The following CENPE variants were observed in gnomAD, a reference collection of about 807,000 sequenced individuals.
CENPE encodes the protein centromere protein E.
In CENPE, 145 loss-of-function variants were observed where a neutral mutation model predicts 336.1. The observed-to-expected ratio is 0.43, with a 90% CI of 0.38 to 0.50. The LOEUF (loss-of-function observed/expected upper bound fraction) is 0.50, where lower values mean the gene tolerates loss of function less well. Among genes scored for constraint, CENPE ranks in the 20% least tolerant of loss-of-function variants. The probability of loss-of-function intolerance (pLI) is 0.00; values close to 1 mark genes in which losing one functional copy is unlikely to be tolerated. For synonymous variants in CENPE, 1,013 were observed against 984.8 expected (o/e 1.03, Z -0.54); for missense variants, 2,719 against 3,023.3 (o/e 0.90, Z 2.36).
chr4:103,153,057 T>A lies in CENPE; in HGVS notation c.3227A>T (p.Asn1076Ile), dbSNP rs770544669. The change falls in exon 25 of 49, where the codon AAT (asparagine) becomes ATT (isoleucine). Residue 1076 changes from asparagine to isoleucine, a missense_variant. Transcript: ENST00000265148. ...KEQLKTDLKENIEMTIENQEE... is the reference protein window; with the variant it reads ...KEQLKTDLKEIIEMTIENQEE... ...AGTGCTAAATCCTACCATTTCAATA[T>A]TTTCCTTTAGGTCAGTCTTCAATTG... The A allele has an allele frequency of 3.1e-6, 5 of 1,608,972 alleles. No individual in the cohort carries two copies. In the South Asian group the frequency reaches 3.3e-5, roughly 11 times the overall value.
Position 103,122,904 on chromosome 4 carries a change from A to G in CENPE, c.7110T>C (p.His2370=). 6.2e-7 allele frequency: 1 copy of G among 1,613,736 alleles called. No homozygotes were observed. Among genetic ancestry groups the G allele is most frequent in the Non-Finnish European group, 8.5e-7 (1 of 1,179,668 alleles). The change falls in exon 43 of 49, where the codon CAT becomes CAC. Residue 2370 remains histidine (H), a synonymous_variant. Transcript: ENST00000265148. The part of the protein sequence containing the change: ...NPTTQDNKNP[H]VTSRATQLTT... ...TTAACTGTGTAGCTCTTGATGTAAC[A>G]TGAGGATTCTTATTGTCTTGTGTGG...
intron 8 of CENPE, among the ~76,000 whole-genome samples, chr4:103,189,368 T>C (rs1757095904): frequency 6.6e-6 from 1 of 152,162 alleles, no homozygotes; most frequent in African/African-American, 2.4e-5. Flanking sequence ...ATACCCCTGA[T>C]GAACATCGAT....
chr4:103,135,124 A>C (rs1263140928), intron 40 of CENPE, among the ~76,000 whole-genome samples: 2 of 152,180 alleles, frequency 1.3e-5, no homozygotes, highest in Non-Finnish European at 2.9e-5. Context: ...ACTGCCTCTT[A>C]GACATTTATC....
Position 103,180,410 on chromosome 4 carries a change from T to C in CENPE, c.1143A>G (p.Glu381=). The C allele has an allele frequency of 6.2e-7, 1 of 1,613,148 alleles. No individual in the cohort carries two copies. The highest frequency in any genetic ancestry group is 8.5e-7 in the Non-Finnish European group (1 of 1,179,386). ...GTACTTTCTGAAGCAAATCTTTTTCTTCCAAAAGTTGGGCCAATTGGTCTT... is the reference window on the plus strand; with the variant it reads ...GTACTTTCTGAAGCAAATCTTTTTCCTCCAAAAGTTGGGCCAATTGGTCTT... The part of the protein sequence containing the change: ...MEKDQLAQLL[E]EKDLLQKVQN... Residue 381 remains glutamate (E), a synonymous_variant, in exon 13 of 49, where the codon GAA becomes GAG. Transcript: ENST00000265148.
chr4:103,196,214 A>G lies in CENPE; in HGVS notation c.187T>C (p.Tyr63His), dbSNP rs111853599. The change falls in exon 3 of 49, where the codon TAT becomes CAT. Residue 63 changes from tyrosine (Y) to histidine (H), a missense_variant. By Grantham distance (83) the Tyr-to-His change is moderately conservative (BLOSUM62 2). Around this residue, in one of 5 missense-constraint regions of CENPE, gnomAD observed 106 missense variants for 189.3 expected, o/e 0.56. Transcript: ENST00000265148. Reference protein sequence around the residue: ...FHGNETTKNVYEEIAAPIIDS... With the variant: ...FHGNETTKNVHEEIAAPIIDS... ...ATGATTGGTGCTGCTATTTCTTCATACACATTTTTGGTAGTTTCATTACCA... is the reference window on the plus strand; with the variant it reads ...ATGATTGGTGCTGCTATTTCTTCATGCACATTTTTGGTAGTTTCATTACCA... 6.2e-7 allele frequency: 1 copy of G among 1,613,770 alleles called. No homozygotes were observed. Among genetic ancestry groups the G allele is most frequent in the Admixed American group, 1.7e-5 (1 of 60,016 alleles).
chr4:103,108,243 ACTT>A (rs908036515), intron 48 of CENPE, among the ~76,000 whole-genome samples: 1 of 128,640 alleles, frequency 7.8e-6, no homozygotes, highest in African/African-American at 3.1e-5. Flanking sequence ...CTATAATTTC[ACTT>A]TTTTTTTTTT....
intron 38 of CENPE, among the ~76,000 whole-genome samples, chr4:103,139,004 C>CA (rs1173756065): frequency 6.6e-6 from 1 of 152,182 alleles, no homozygotes; most frequent in Admixed American, 6.5e-5. Flanking sequence ...AATATACTGG[C>CA]AAAACCACCT....
At chr4:103,113,553 ATAAT>A (rs1158844705) in intron 46 of CENPE, among the ~76,000 whole-genome samples, 1 of 141,658 alleles carries the variant, frequency 7.1e-6, no homozygotes, top group African/African-American at 2.6e-5. Context: ...TATATAATAT[ATAAT>A]ATATAAGTAA....
At chr4:103,129,725 AAAAAT>A (rs1209859145) in intron 42 of CENPE, among the ~76,000 whole-genome samples, 32 of 147,272 alleles carry the variant, frequency 2.2e-4, no homozygotes, top group African/African-American at 6.7e-4. Context: ...CTCCATCTCA[AAAAAT>A]AAAATAAAAT....
intron 14 of CENPE, among the ~76,000 whole-genome samples, chr4:103,176,346 C>G (rs191942163): frequency 1.3e-5 from 2 of 151,892 alleles, no homozygotes; most frequent in African/African-American, 4.8e-5. Flanking sequence ...ATTTAAAATT[C>G]CCCCCCAACA....
intron 15 of CENPE, among the ~76,000 whole-genome samples, chr4:103,175,528 A>G (rs182649435): frequency 3.9e-5 from 6 of 152,224 alleles, no homozygotes; most frequent in African/African-American, 1.4e-4. Context: ...ACAACTATAC[A>G]TCTTTAAACA....
chr4:103,181,631 T>C, intron 11 of CENPE, 175 bp from the exon 12 acceptor site: 1 of 439,132 alleles, frequency 2.3e-6, no homozygotes, highest in South Asian at 3.3e-5. Context: ...CTCTGTAACT[T>C]ATCCTGGGTG....
At chr4:103,142,468 T>G (rs1752647271) in intron 34 of CENPE, among the ~76,000 whole-genome samples, 1 of 152,228 alleles carries the variant, frequency 6.6e-6, no homozygotes, top group Non-Finnish European at 1.5e-5. Context: ...AGGAATGAGC[T>G]TACTTTAGCT....
intron 38 of CENPE, 120 bp from the exon 39 acceptor site, chr4:103,138,569 T>C: frequency 1.4e-6 from 1 of 699,756 alleles, no homozygotes; most frequent in Non-Finnish European, 2.5e-6. Context: ...ATTATACTTG[T>C]CACTCAAAAG....
rs765107573 is a variant in CENPE, at chr4:103,147,652, G to T, written c.3844-6C>A. The T allele has an allele frequency of 6.3e-7, 1 of 1,597,438 alleles. No homozygotes were observed. The highest frequency in any genetic ancestry group is 1.1e-5 in the South Asian group (1 of 88,038). Reference sequence around the variant, plus strand: ...TCCTCATGAAGCACTGGGATCTTAGGACATTCATAAAATACCAAGGTTACT... The same window carrying T: ...TCCTCATGAAGCACTGGGATCTTAGTACATTCATAAAATACCAAGGTTACT... On this transcript the variant is annotated splice_polypyrimidine_tract_variant and splice_region_variant and intron_variant, in intron 28 of 48. Coordinates refer to ENST00000265148, the MANE Select transcript of CENPE (RefSeq NM_001813.3).
chr4:103,195,012 TAGG>T (rs1390191123), intron 5 of CENPE, 99 bp downstream of exon 5: 3 of 1,045,910 alleles, frequency 2.9e-6, no homozygotes, highest in Middle Eastern at 3.2e-4. Flanking sequence ...ACTATAGAAA[TAGG>T]AGACACTTTA....
At chr4:103,168,422 C>G (rs1489894773) in intron 16 of CENPE, among the ~76,000 whole-genome samples, 1 of 152,180 alleles carries the variant, frequency 6.6e-6, no homozygotes, top group Non-Finnish European at 1.5e-5. Context: ...GCTTCCATCA[C>G]ATAGCAGTTC....
intron 25 of CENPE, among the ~76,000 whole-genome samples, chr4:103,151,579 C>T (rs757995270): frequency 2.0e-5 from 3 of 152,162 alleles, no homozygotes; most frequent in Non-Finnish European, 2.9e-5. Flanking sequence ...TTCTTTACTG[C>T]TCAATTTACA....
intron 43 of CENPE, among the ~76,000 whole-genome samples, chr4:103,122,047 T>A (rs1267290855): frequency 6.6e-6 from 1 of 152,196 alleles, no homozygotes; most frequent in Non-Finnish European, 1.5e-5. Flanking sequence ...TTTTCTTTGG[T>A]CATTGAAGAT....
Sources: allele counts gnomAD v4.1 joint callset (sites outside exome capture counted in the v4.1 genomes callset), GRCh38; gene constraint gnomAD v4.1.1; regional missense constraint gnomAD v4.1.1; transcripts MANE v1.5; gene names NCBI Gene and HGNC (gene_info 2026-07-23, HGNC 2026-07-21).